Variants in CCDC181 observed in about 807,000 individuals in gnomAD.
CCDC181 encodes the protein coiled-coil domain-containing protein 181.
Under a neutral mutation model 58.7 loss-of-function variants are expected in CCDC181, and 35 were observed. The observed-to-expected ratio is 0.60, with a 90% CI of 0.46 to 0.79. CCDC181 has a LOEUF of 0.79. Among genes scored for constraint, CCDC181 ranks in the 30% least tolerant of loss-of-function variants. CCDC181 has a pLI of 0.00. For synonymous variants in CCDC181, 183 were observed against 197.5 expected, an observed-to-expected ratio of 0.93 and a Z score of 0.62; for missense variants, 517 against 583.9, an observed-to-expected ratio of 0.89 and a Z score of 1.18.
At chr1:169,416,748 G>T (rs1013770423) in intron 4 of CCDC181, among the ~76,000 whole-genome samples, 5 of 151,798 alleles carry the variant, frequency 3.3e-5, no homozygotes, top group African/African-American at 9.7e-5. Flanking sequence ...TTACTATATG[G>T]TATCAGTCAA....
chr1:169,403,885 A>G (rs1010621537), intron 4 of CCDC181, among the ~76,000 whole-genome samples: 1 of 152,214 alleles, frequency 6.6e-6, no homozygotes, highest in Non-Finnish European at 1.5e-5. Context: ...TGGTTTTTTG[A>G]AAAGATCAGC....
intron 1 of CCDC181, among the ~76,000 whole-genome samples, chr1:169,426,751 A>G (rs1350223407): frequency 1.3e-5 from 2 of 152,214 alleles, no homozygotes; most frequent in Non-Finnish European, 2.9e-5. Context: ...AAACTAATCC[A>G]TACATCATGA....
At chr1:169,445,221 AG>A (rs1422148823) in intron 2 of CCDC181, among the ~76,000 whole-genome samples, 1 of 152,086 alleles carries the variant, frequency 6.6e-6, no homozygotes, top group Non-Finnish European at 1.5e-5. Context: ...TCCTGATCTT[AG>A]GGGGGACAAA....
upstream of CCDC181, among the ~76,000 whole-genome samples, chr1:169,430,177 T>C (rs1319170261): frequency 6.6e-6 from 1 of 152,214 alleles, no homozygotes; most frequent in Non-Finnish European, 1.5e-5. Flanking sequence ...AGTACCATGA[T>C]GTTTTAGTGA....
At chr1:169,410,018 C>T (rs1655876945) in intron 4 of CCDC181, among the ~76,000 whole-genome samples, 1 of 152,082 alleles carries the variant, frequency 6.6e-6, no homozygotes, top group Admixed American at 6.6e-5. Context: ...ATGACAGGAT[C>T]AAATTCACAC....
chr1:169,429,245 C>A (rs1390734602), upstream of CCDC181, among the ~76,000 whole-genome samples: 4 of 152,032 alleles, frequency 2.6e-5, no homozygotes, highest in Non-Finnish European at 5.9e-5. Context: ...TTTGTAATTG[C>A]GAATTGTGCT....
At chr1:169,457,767 G>C (rs1657716847) in intron 2 of CCDC181, among the ~76,000 whole-genome samples, 1 of 152,018 alleles carries the variant, frequency 6.6e-6, no homozygotes, top group African/African-American at 2.4e-5. Context: ...ATACAAAAAA[G>C]AACATAAATA....
intron 4 of CCDC181, among the ~76,000 whole-genome samples, chr1:169,398,264 G>A (rs527612006): frequency 8.5e-5 from 13 of 152,180 alleles, no homozygotes; most frequent in African/African-American, 2.6e-4. Flanking sequence ...TAACAATACC[G>A]TATATTTCAA....
At chr1:169,403,696 C>T (rs936854124) in intron 4 of CCDC181, among the ~76,000 whole-genome samples, 1 of 152,122 alleles carries the variant, frequency 6.6e-6, no homozygotes, top group Non-Finnish European at 1.5e-5. Flanking sequence ...TAAATGCCCA[C>T]AAGAGAAAGC....
rs549270604 is a variant in CCDC181, at chr1:169,434,093, A to G, written c.-23-9143T>C. ...CAAATAGAGACCTTCTAAACTCAAC[A>G]ACAATTATAAAAACAAACACTCCAA... is the stretch of plus-strand genomic sequence containing the variant. On this transcript the variant is annotated intron_variant, in intron 2 of 6. Coordinates refer to the CCDC181 transcript ENST00000545005. 2.6e-5 allele frequency among the ~76,000 whole-genome samples: 4 copies of G among 152,074 alleles called. No homozygotes were observed. In the East Asian group the frequency reaches 7.7e-4, roughly 29 times the overall value.
At chr1:169,430,277 C>A (rs1435659242), upstream of CCDC181, among the ~76,000 whole-genome samples, 3 of 151,924 alleles carry the variant, frequency 2.0e-5, no homozygotes, top group Non-Finnish European at 4.4e-5. Flanking sequence ...TCTGCAGGCT[C>A]CTTTTTGGTT....
chr1:169,421,098 A>G (rs1049269335), intron 3 of CCDC181, among the ~76,000 whole-genome samples: 1 of 152,188 alleles, frequency 6.6e-6, no homozygotes, highest in Non-Finnish European at 1.5e-5. Flanking sequence ...TCACCTTTAA[A>G]ATGAAAGGAT....
chr1:169,433,889 A>C (rs566038424), intron 2 of CCDC181, among the ~76,000 whole-genome samples: 1 of 152,212 alleles, frequency 6.6e-6, no homozygotes, highest in African/African-American at 2.4e-5. Flanking sequence ...TATGACAGCA[A>C]AAGCACATGC....
rs200412936 is a variant in CCDC181 at position 169,421,539 on chromosome 1, G to A, written c.892C>T (p.Arg298Cys). The A allele has an allele frequency of 1.4e-5, 22 of 1,614,076 alleles. No homozygotes were observed. Among genetic ancestry groups the A allele is most frequent in the African/African-American group, 6.7e-5 (5 of 74,998 alleles). ...ACAGCAGAGCTTGGACAAGTCTTGCGGTTGAGTGGTGGCTGAGCGATATAA... is the reference window on the plus strand; with the variant it reads ...ACAGCAGAGCTTGGACAAGTCTTGCAGTTGAGTGGTGGCTGAGCGATATAA... ...LAYIAQPPLN[R>C]KTCPSSAVNS... The change falls in exon 3 of 6, where the codon CGC becomes TGC. Residue 298 changes from arginine (R) to cysteine (C), a missense_variant. Physicochemically the swap from Arg to Cys is radical, Grantham distance 180. Transcript: ENST00000367806.
Position 169,421,484 on chromosome 1 carries a change from T to G in CCDC181, c.947A>C (p.Lys316Thr). The change falls in exon 3 of 6, where the codon AAA becomes ACA. Residue 316 changes from lysine to threonine, a missense_variant. By Grantham distance (78) the Lys-to-Thr change is moderately conservative. Coordinates refer to ENST00000367806, the MANE Select transcript of CCDC181 (RefSeq NM_001300969.2). Reference protein sequence around the residue: ...VNSDRSKGNGKSNHRTQSAHI... With the variant: ...VNSDRSKGNGTSNHRTQSAHI... ...TGCAGACTGTGTCCTGTGATTAGATTTCCCATTCCCTTTACTTCGATCTGA... is the reference window on the plus strand; with the variant it reads ...TGCAGACTGTGTCCTGTGATTAGATGTCCCATTCCCTTTACTTCGATCTGA... 5 of 1,614,134 alleles carry G rather than the reference T, an allele frequency of 3.1e-6. No homozygotes were observed. The highest frequency in any genetic ancestry group is 4.2e-6 in the Non-Finnish European group (5 of 1,180,008).
intron 2 of CCDC181, among the ~76,000 whole-genome samples, chr1:169,448,396 G>A (rs1657439464): frequency 6.6e-6 from 1 of 151,718 alleles, no homozygotes; most frequent in Non-Finnish European, 1.5e-5. Flanking sequence ...TTCAGTTTTT[G>A]TTTTTCTGAG....
chr1:169,441,248 C>G (rs16862172), intron 2 of CCDC181, among the ~76,000 whole-genome samples: 1 of 151,944 alleles, frequency 6.6e-6, no homozygotes, highest in Non-Finnish European at 1.5e-5. Context: ...GAGTAACTTA[C>G]GTGCTTTATG....
At chr1:169,439,525 C>T (rs1000898845) in intron 2 of CCDC181, among the ~76,000 whole-genome samples, 30 of 152,194 alleles carry the variant, frequency 2.0e-4, no homozygotes, top group African/African-American at 7.2e-4. Flanking sequence ...GGGGAGCATG[C>T]AGACAGGCAG....
chr1:169,437,121 T>C (rs1261993110), intron 2 of CCDC181, among the ~76,000 whole-genome samples: 2 of 152,032 alleles, frequency 1.3e-5, no homozygotes, highest in East Asian at 3.9e-4. Context: ...GGAATGCTGA[T>C]TGGTTAGGTC....
Sources: allele counts gnomAD v4.1 joint callset (sites outside exome capture counted in the v4.1 genomes callset), GRCh38; gene constraint gnomAD v4.1.1; transcripts MANE v1.5; gene names NCBI Gene and HGNC (gene_info 2026-07-23, HGNC 2026-07-21).